The following NCBP1 variants were observed in gnomAD, a reference collection of about 807,000 sequenced individuals.
NCBP1 encodes the protein nuclear cap-binding protein subunit 1.
In NCBP1, 16 loss-of-function variants were observed where a neutral mutation model predicts 111.7. The ratio of observed to expected loss-of-function variants is 0.14; its 90% CI spans 0.10 to 0.22. The LOEUF is 0.22. Ranked by LOEUF, NCBP1 falls within the 10% of genes least tolerant of loss-of-function variation. The pLI, the probability that NCBP1 is intolerant of heterozygous loss-of-function variation, is 1.00. For synonymous variants in NCBP1, 304 were observed against 314.3 expected (o/e 0.97, Z 0.35); for missense variants, 607 against 957.5 (o/e 0.63, Z 4.83).
intron 14 of NCBP1, among the ~76,000 whole-genome samples, chr9:97,658,230 T>G (rs947737509): frequency 2.0e-5 from 3 of 152,178 alleles, no homozygotes; most frequent in African/African-American, 7.2e-5. Flanking sequence ...CAATTCCAAC[T>G]CAATACCTTA....
Position 97,655,882 on chromosome 9 carries a change from A to G in NCBP1, c.1298+118A>G, listed in dbSNP as rs1016651873. On this transcript the variant is annotated intron_variant, in intron 13 of 22. Coordinates refer to ENST00000375147, the MANE Select transcript of NCBP1 (RefSeq NM_002486.5). ...TGGAAACTATTTGTAGTTAAGTACA[A>G]ATAGTTACAAGTGCAATTATAACTT... The G allele has an allele frequency of 5.3e-6, 7 of 1,327,388 alleles. No homozygotes were observed. In the African/African-American group the frequency reaches 7.4e-5, roughly 14 times the overall value. 82.2% of individuals were successfully genotyped at this position (1,327,388 alleles called of 1,614,324 possible). A position where few individuals can be genotyped will look rare whatever the true frequency, so the allele number is the denominator to read the frequency against.
intron 9 of NCBP1, 60 bp from the exon 10 acceptor site, chr9:97,651,250 C>A: frequency 1.4e-6 from 2 of 1,416,788 alleles, no homozygotes; most frequent in Non-Finnish European, 9.7e-7. Context: ...TTTGAAACTG[C>A]TTATTTGACT....
At chr9:97,644,862 T>C (rs1279521655) in intron 4 of NCBP1, among the ~76,000 whole-genome samples, 1 of 152,208 alleles carries the variant, frequency 6.6e-6, no homozygotes, top group East Asian at 1.9e-4. Context: ...TCCACTAAGT[T>C]TACTTATGGG....
chr9:97,654,324 T>C (rs1001698523), intron 11 of NCBP1, among the ~76,000 whole-genome samples: 7 of 152,226 alleles, frequency 4.6e-5, no homozygotes, highest in African/African-American at 1.7e-4. Context: ...TTCGTTGTCA[T>C]TCAGCAGTGT....
chr9:97,653,574 C>T (rs553426408), intron 10 of NCBP1, among the ~76,000 whole-genome samples: 14 of 151,936 alleles, frequency 9.2e-5, no homozygotes, highest in African/African-American at 3.4e-4. Context: ...GCATTAGTGT[C>T]GTGTGTTTTT....
At chr9:97,661,284 G>A (rs41306510) in intron 16 of NCBP1, among the ~76,000 whole-genome samples, 92 of 152,184 alleles carry the variant, frequency 6.0e-4, no homozygotes, top group Non-Finnish European at 1.1e-3. Context: ...AAACTTCATC[G>A]TAAATACAAA....
intron 4 of NCBP1, 87 bp downstream of exon 4, chr9:97,643,447 T>G (rs1587998139): frequency 7.6e-7 from 1 of 1,320,222 alleles, no homozygotes; most frequent in Non-Finnish European, 1.0e-6. Context: ...TAAAATGCTC[T>G]CCTAAAACAT....
chr9:97,638,576 A>G (rs1428199154), intron 1 of NCBP1, among the ~76,000 whole-genome samples: 1 of 152,208 alleles, frequency 6.6e-6, no homozygotes, highest in Non-Finnish European at 1.5e-5. Flanking sequence ...CTTAAGGTTT[A>G]AAAAACAGCA....
intron 7 of NCBP1, 41 bp from the exon 8 acceptor site, chr9:97,647,967 A>G (rs1347804755): frequency 1.4e-6 from 2 of 1,467,892 alleles, no homozygotes; most frequent in East Asian, 5.0e-5. Flanking sequence ...TCTAGTCAAA[A>G]TGTTAATTAT....
At chr9:97,652,260 C>G (rs933773640) in intron 10 of NCBP1, among the ~76,000 whole-genome samples, 5 of 152,204 alleles carry the variant, frequency 3.3e-5, no homozygotes, top group African/African-American at 1.2e-4. Context: ...CCTTGGGCTC[C>G]CAAGGTGCTG....
rs375586118 is a variant in NCBP1 at position 97,662,207 on chromosome 9, A to AT, written c.1703+64dup. ...ATTTTGCTTGGTGAACACCAGTGGTATGGTAATTTTTACCTAAGATTGTTG... is the reference window on the plus strand; with the variant it reads ...ATTTTGCTTGGTGAACACCAGTGGTATTGGTAATTTTTACCTAAGATTGTTG... On this transcript the variant is annotated intron_variant, in intron 17 of 22. Coordinates refer to ENST00000375147, the MANE Select transcript of NCBP1 (RefSeq NM_002486.5). 61 of 1,198,816 alleles carry AT rather than the reference A, an allele frequency of 5.1e-5. No individual in the cohort carries two copies. In the African/African-American group the frequency reaches 8.2e-4, roughly 16 times the overall value. 74.3% of individuals were successfully genotyped at this position (1,198,816 alleles called of 1,614,324 possible). A position where few individuals can be genotyped will look rare whatever the true frequency, so the allele number is the denominator to read the frequency against.
intron 1 of NCBP1, among the ~76,000 whole-genome samples, chr9:97,636,633 A>AATATATAT (rs1827042709): frequency 1.1e-5 from 1 of 90,410 alleles, no homozygotes; most frequent in East Asian, 3.3e-4. Flanking sequence ...TATGGAAAGT[A>AATATATAT]ATACATATAT....
intron 2 of NCBP1, 109 bp downstream of exon 2, chr9:97,640,991 AT>A: frequency 1.4e-6 from 1 of 721,838 alleles, no homozygotes; most frequent in Non-Finnish European, 2.3e-6. Flanking sequence ...CAAAGCTGGT[AT>A]TACCATGCAT....
intron 22 of NCBP1, 51 bp downstream of exon 22, chr9:97,669,757 T>G: frequency 7.7e-7 from 1 of 1,302,268 alleles, no homozygotes. Context: ...GCCACAAAGA[T>G]TTTTCATTAA....
rs1827565503 is a variant in NCBP1 at position 97,653,846 on chromosome 9, G to A, written c.1108G>A (p.Val370Met). 1 of 1,614,002 alleles carries A rather than the reference G, an allele frequency of 6.2e-7. No individual in the cohort carries two copies. The highest frequency in any genetic ancestry group is 8.5e-7 in the Non-Finnish European group (1 of 1,180,002). ...FQLPAPPHID[V>M]MYTTLLIELC... ...ACTTCCAGCACCCCCTCACATTGAT[G>A]TGATGTACACAACACTCCTCATTGA... Residue 370 changes from valine to methionine, a missense_variant, in exon 11 of 23, where the codon GTG (valine) becomes ATG (methionine). Around this residue, in one of 9 missense-constraint regions of NCBP1, gnomAD observed 33 missense variants for 46.5 expected, o/e 0.71. Transcript: ENST00000375147.
At chr9:97,653,198 G>A (rs1001311361) in intron 10 of NCBP1, among the ~76,000 whole-genome samples, 23 of 147,366 alleles carry the variant, frequency 1.6e-4, no homozygotes, top group Non-Finnish European at 1.6e-4. Flanking sequence ...TCAACTCAGT[G>A]CAACCTCCGC....
chr9:97,666,637 G>A, intron 19 of NCBP1, 126 bp from the exon 20 acceptor site: 1 of 580,962 alleles, frequency 1.7e-6, no homozygotes, highest in South Asian at 2.4e-5. Context: ...GGAGAAAGAT[G>A]ACTAATTCAG....
intron 4 of NCBP1, among the ~76,000 whole-genome samples, chr9:97,644,607 A>G (rs926992465): frequency 6.6e-6 from 1 of 152,206 alleles, no homozygotes; most frequent in Non-Finnish European, 1.5e-5. Context: ...AGCACACCCA[A>G]TAAATATGTG....
chr9:97,669,101 A>G (rs1828098764), intron 21 of NCBP1, 127 bp downstream of exon 21: 4 of 1,129,766 alleles, frequency 3.5e-6, no homozygotes, highest in Non-Finnish European at 4.8e-6. Flanking sequence ...TAAAAATACA[A>G]AAATTTAGGA....
Sources: allele counts gnomAD v4.1 joint callset (sites outside exome capture counted in the v4.1 genomes callset), GRCh38; gene constraint gnomAD v4.1.1; regional missense constraint gnomAD v4.1.1; transcripts MANE v1.5; gene names NCBI Gene and HGNC (gene_info 2026-07-23, HGNC 2026-07-21).